ELAVL2: variants seen among roughly 807,000 people sequenced by gnomAD.
The protein encoded by ELAVL2 is ELAV-like protein 2.
ELAVL2 carries 4 observed loss-of-function variants against 34.6 expected under a neutral mutation model. The observed-to-expected ratio is 0.12, with a 90% CI of 0.06 to 0.26. ELAVL2 has a LOEUF of 0.26. Among genes scored for constraint, ELAVL2 ranks in the 10% least tolerant of loss-of-function variants. The pLI, the probability that ELAVL2 is intolerant of heterozygous loss-of-function variation, is 1.00. For missense variants in ELAVL2, 432 were observed against 442.8 expected, an observed-to-expected ratio of 0.98 and a Z score of 0.22; for synonymous variants, 193 against 154.8, an observed-to-expected ratio of 1.25 and a Z score of -1.83.
intron 1 of ELAVL2, among the ~76,000 whole-genome samples, chr9:23,770,637 A>C (rs931669765): frequency 2.0e-5 from 3 of 152,180 alleles, no homozygotes; most frequent in Non-Finnish European, 4.4e-5. Flanking sequence ...AAGGAATATA[A>C]GCAGCCTCTA....
At chr9:23,805,631 A>G (rs560082948) in intron 1 of ELAVL2, among the ~76,000 whole-genome samples, 53 of 152,332 alleles carry the variant, frequency 3.5e-4, no homozygotes, top group African/African-American at 1.3e-3. Flanking sequence ...AACCTGGCCC[A>G]ATAACGCTTC....
chr9:23,820,825 G>A (rs2064506614), intron 1 of ELAVL2, among the ~76,000 whole-genome samples: 1 of 152,324 alleles, frequency 6.6e-6, no homozygotes, highest in African/African-American at 2.4e-5. Context: ...AAATCCCAGA[G>A]CCGGCCTCGC....
chr9:23,773,558 T>C (rs1444754402), intron 1 of ELAVL2, among the ~76,000 whole-genome samples: 1 of 152,204 alleles, frequency 6.6e-6, no homozygotes, highest in Non-Finnish European at 1.5e-5. Flanking sequence ...TGAGCATATA[T>C]GTATATGTAT....
chr9:23,709,516 A>G (rs758742957), intron 3 of ELAVL2, among the ~76,000 whole-genome samples: 1 of 152,038 alleles, frequency 6.6e-6, no homozygotes, highest in Non-Finnish European at 1.5e-5. Flanking sequence ...AGAATCATAC[A>G]GGGGCTATTT....
chr9:23,812,778 G>C (rs981870155), intron 1 of ELAVL2, among the ~76,000 whole-genome samples: 4 of 151,380 alleles, frequency 2.6e-5, no homozygotes, highest in African/African-American at 9.7e-5. Context: ...TGGCTGGGTT[G>C]TAGAGTAAGC....
At chr9:23,758,651 A>G (rs1372617172) in intron 2 of ELAVL2, among the ~76,000 whole-genome samples, 1 of 152,124 alleles carries the variant, frequency 6.6e-6, no homozygotes, top group African/African-American at 2.4e-5. Flanking sequence ...AATGATTTCA[A>G]AAGCTTTTAT....
chr9:23,787,745 G>T (rs934896222), intron 1 of ELAVL2, among the ~76,000 whole-genome samples: 1 of 152,044 alleles, frequency 6.6e-6, no homozygotes, highest in South Asian at 2.1e-4. Flanking sequence ...CCAGATACTG[G>T]CATTTTTATC....
In ELAVL2 at chr9:23,809,456, G is replaced by A. The variant is rs533606559; in HGVS notation, c.-16+16350C>T. Among the ~76,000 whole-genome samples the A allele has an allele frequency of 8.8e-4, 134 of 152,168 alleles. 1 individual carries two copies. The Middle Eastern group carries it at 0.01, about 12-fold the overall frequency. ...TTAAGTAAACTTAAGAGACTCAAAA[G>A]TAATATAAAAATTGCATATCTAAGA... is the stretch of plus-strand genomic sequence containing the variant. On this transcript the variant is annotated intron_variant, in intron 1 of 6. Transcript: ENST00000397312.
intron 2 of ELAVL2, among the ~76,000 whole-genome samples, chr9:23,732,200 A>AT (rs1162879627): frequency 1.3e-5 from 2 of 152,106 alleles, no homozygotes; most frequent in East Asian, 1.9e-4. Flanking sequence ...GAAGTGAGGT[A>AT]TTTTTTCTTG....
At chr9:23,831,263 C>A (rs978194614), upstream of ELAVL2, among the ~76,000 whole-genome samples, 1 of 152,260 alleles carries the variant, frequency 6.6e-6, no homozygotes, top group South Asian at 2.1e-4. Context: ...CAGAGCCATC[C>A]AGGGCGCTCC....
intron 2 of ELAVL2, among the ~76,000 whole-genome samples, chr9:23,751,492 C>T (rs1377881600): frequency 6.6e-6 from 1 of 152,064 alleles, no homozygotes; most frequent in Non-Finnish European, 1.5e-5. Context: ...TTTTTTTCCT[C>T]AGCCTTCTGA....
intron 3 of ELAVL2, among the ~76,000 whole-genome samples, chr9:23,720,771 C>G (rs1200844104): frequency 6.6e-6 from 1 of 152,070 alleles, no homozygotes; most frequent in Non-Finnish European, 1.5e-5. Flanking sequence ...ACAGACCTAC[C>G]CAAGTGCAAA....
At chr9:23,764,461 T>C (rs897535721) in intron 1 of ELAVL2, among the ~76,000 whole-genome samples, 1 of 152,126 alleles carries the variant, frequency 6.6e-6, no homozygotes, top group Non-Finnish European at 1.5e-5. Context: ...TATAGGACCA[T>C]CTGCTCAGAA....
intron 5 of ELAVL2, among the ~76,000 whole-genome samples, chr9:23,698,277 A>T (rs1309861663): frequency 2.0e-5 from 3 of 152,230 alleles, no homozygotes; most frequent in Non-Finnish European, 4.4e-5. Context: ...ATCCATCCAA[A>T]TAAATAAGGC....
intron 2 of ELAVL2, among the ~76,000 whole-genome samples, chr9:23,756,870 C>CA (rs2053680364): frequency 6.6e-6 from 1 of 152,148 alleles, no homozygotes; most frequent in Non-Finnish European, 1.5e-5. Flanking sequence ...TCCAGGTCCC[C>CA]ACTACAGATT....
rs1471488747 is a variant in ELAVL2, at chr9:23,797,352, T to C, written c.-16+28454A>G. ...ATCTTAAATTGTAATGCATGCTAAG[T>C]CCCTAGCACATCACAGGAACAGTGT... On this transcript the variant is annotated intron_variant, in intron 1 of 6. Coordinates refer to ENST00000397312, the MANE Select transcript of ELAVL2 (RefSeq NM_004432.5). Among the ~76,000 whole-genome samples the C allele has an allele frequency of 2.0e-5, 3 of 152,212 alleles. No individual in the cohort carries two copies. In the South Asian group the frequency reaches 6.2e-4, roughly 31 times the overall value.
At position 23,707,139 on chromosome 9, in the gene ELAVL2, G is replaced by C. The variant is rs542919644; in HGVS notation, c.334-2068C>G. On this transcript the variant is annotated intron_variant, in intron 3 of 6. Transcript: ENST00000397312. ...CTATGCCTAAATACTTAAGAACAAT[G>C]AAGACTGGGGAACTTAAATGTAAGT... 2.0e-5 allele frequency among the ~76,000 whole-genome samples: 3 copies of C among 152,284 alleles called. No homozygotes were observed. The South Asian group carries it at 6.2e-4, about 32-fold the overall frequency.
chr9:23,783,733 A>C (rs539568707), intron 1 of ELAVL2, among the ~76,000 whole-genome samples: 6 of 152,314 alleles, frequency 3.9e-5, no homozygotes, highest in Non-Finnish European at 7.3e-5. Flanking sequence ...ATGCAGAACC[A>C]CAACACAGGA....
intron 2 of ELAVL2, among the ~76,000 whole-genome samples, chr9:23,750,789 G>A (rs1268506547): frequency 1.3e-5 from 2 of 152,096 alleles, no homozygotes; most frequent in African/African-American, 2.4e-5. Context: ...AAGCTCCCAT[G>A]GCTTACTTAG....
Sources: gnomAD v4.1 joint callset for allele counts (sites outside exome capture counted in the v4.1 genomes callset) on GRCh38, gnomAD v4.1.1 for gene constraint, MANE v1.5 for transcripts, NCBI Gene and HGNC (gene_info 2026-07-23, HGNC 2026-07-21) for gene names.